The following IL1RAPL2 variants were observed in gnomAD, a reference collection of about 807,000 sequenced individuals.
The protein encoded by IL1RAPL2 is X-linked interleukin-1 receptor accessory protein-like 2.
In IL1RAPL2, 3 loss-of-function variants were observed where a neutral mutation model predicts 44.1. That is an observed-to-expected ratio of 0.07 (90% CI 0.03 to 0.18). The LOEUF (loss-of-function observed/expected upper bound fraction) is 0.18. IL1RAPL2 is among the 10% of genes least tolerant of loss of function. The pLI is 1.00. For missense variants in IL1RAPL2, 391 were observed against 496.4 expected (o/e 0.79, Z 2.02); for synonymous variants, 181 against 178.8 (o/e 1.01, Z -0.10).
chrX:105,584,861 A>T (rs952360649), intron 6 of IL1RAPL2, among the ~76,000 whole-genome samples: 2 of 110,396 alleles, frequency 1.8e-5, no homozygotes, highest in Non-Finnish European at 3.8e-5. Context: ...TTGTTCTCTC[A>T]TTCTTTCCTC....
At chrX:104,848,101 G>A (rs1339692306) in intron 2 of IL1RAPL2, among the ~76,000 whole-genome samples, 5 of 110,108 alleles carry the variant, frequency 4.5e-5, no homozygotes, top group Non-Finnish European at 5.7e-5. Flanking sequence ...GGGCTGAGGC[G>A]ATGGGGTTTT....
intron 5 of IL1RAPL2, among the ~76,000 whole-genome samples, chrX:105,355,679 A>G (rs2147707660): frequency 9.0e-6 from 1 of 111,488 alleles, no homozygotes; most frequent in South Asian, 3.8e-4. Flanking sequence ...TCAAAATATC[A>G]TACTACATTT....
At chrX:105,744,538 A>G (rs2038525093) in intron 8 of IL1RAPL2, among the ~76,000 whole-genome samples, 1 of 111,820 alleles carries the variant, frequency 8.9e-6, no homozygotes, top group African/African-American at 3.3e-5. Flanking sequence ...TTATGGAACA[A>G]TAACTTCTTG....
intron 2 of IL1RAPL2, among the ~76,000 whole-genome samples, chrX:105,073,475 T>G (rs1291782494): frequency 2.7e-5 from 3 of 110,684 alleles, no homozygotes; most frequent in African/African-American, 9.9e-5. Flanking sequence ...TCCAGGTCTG[T>G]GCTATTGTGA....
chrX:105,486,771 T>C (rs1456420598), intron 6 of IL1RAPL2, among the ~76,000 whole-genome samples: 1 of 110,829 alleles, frequency 9.0e-6, no homozygotes, highest in Non-Finnish European at 1.9e-5. Context: ...TCTATCTATA[T>C]GTAGAAAGCA....
chrX:104,844,450 T>C (rs1351302772), intron 2 of IL1RAPL2, among the ~76,000 whole-genome samples: 1 of 111,615 alleles, frequency 9.0e-6, no homozygotes, highest in Non-Finnish European at 1.9e-5. Flanking sequence ...TTTAATATAC[T>C]GATGTTTCAT....
chrX:105,436,988 A>G (rs1403895505), intron 5 of IL1RAPL2, among the ~76,000 whole-genome samples: 1 of 105,289 alleles, frequency 9.5e-6, no homozygotes, highest in Admixed American at 1.0e-4. Flanking sequence ...TTTTTACATC[A>G]AAATTCTGAA....
At chrX:105,248,417 A>C (rs1303421681) in intron 4 of IL1RAPL2, among the ~76,000 whole-genome samples, 2 of 111,916 alleles carry the variant, frequency 1.8e-5, no homozygotes, top group African/African-American at 6.5e-5. Context: ...AGCTTCCTAA[A>C]AATGTACAAA....
At chrX:104,885,954 G>A (rs186009227) in intron 2 of IL1RAPL2, among the ~76,000 whole-genome samples, 10 of 112,836 alleles carry the variant, frequency 8.9e-5, no homozygotes, top group Admixed American at 3.7e-4. Context: ...GAGGGTGCCC[G>A]GGCAAGCGCC....
chrX:104,838,127 T>TA (rs1158782375), intron 2 of IL1RAPL2, among the ~76,000 whole-genome samples: 1 of 112,028 alleles, frequency 8.9e-6, no homozygotes, highest in African/African-American at 3.2e-5. Context: ...TTGGTTACTG[T>TA]AGCCTTGTAG....
intron 5 of IL1RAPL2, among the ~76,000 whole-genome samples, chrX:105,353,438 T>C (rs2035174195): frequency 9.0e-6 from 1 of 111,686 alleles, no homozygotes; most frequent in African/African-American, 3.3e-5. Context: ...CCATATGAAC[T>C]TTAAAGTAGT....
intron 2 of IL1RAPL2, among the ~76,000 whole-genome samples, chrX:105,156,425 G>T (rs1400176669): frequency 8.9e-6 from 1 of 111,769 alleles, no homozygotes; most frequent in East Asian, 2.8e-4. Flanking sequence ...GTCTGATCAC[G>T]ATCACGTATT....
intron 3 of IL1RAPL2, among the ~76,000 whole-genome samples, chrX:105,228,427 G>A (rs1319523672): frequency 2.7e-5 from 3 of 111,345 alleles, no homozygotes; most frequent in Non-Finnish European, 3.8e-5. Flanking sequence ...TATAATATGG[G>A]CATGTTTTAT....
At chrX:104,843,207 G>A (rs1038085989) in intron 2 of IL1RAPL2, among the ~76,000 whole-genome samples, 28 of 111,733 alleles carry the variant, frequency 2.5e-4, no homozygotes, top group African/African-American at 7.5e-4. Context: ...AGCACTGTCC[G>A]GGGAAAACCA....
chrX:105,628,473 A>C (rs1326230626), intron 6 of IL1RAPL2, among the ~76,000 whole-genome samples: 1 of 112,556 alleles, frequency 8.9e-6, no homozygotes, highest in Non-Finnish European at 1.9e-5. Context: ...TGTCATACAG[A>C]TATAAAAATG....
At chrX:104,906,584 C>T (rs1174899893) in intron 2 of IL1RAPL2, among the ~76,000 whole-genome samples, 24 of 111,729 alleles carry the variant, frequency 2.1e-4, no homozygotes, top group African/African-American at 5.9e-4. Flanking sequence ...TTGTCTTTGG[C>T]TCTGTTTATA....
At chrX:105,051,348 G>A (rs1011202031) in intron 2 of IL1RAPL2, among the ~76,000 whole-genome samples, 52 of 112,720 alleles carry the variant, frequency 4.6e-4, no homozygotes, top group South Asian at 3.7e-4. Context: ...CCTGTGCCTC[G>A]GAGGGCAGCC....
chrX:105,066,804 A>T (rs1023896150), intron 2 of IL1RAPL2, among the ~76,000 whole-genome samples: 2 of 112,008 alleles, frequency 1.8e-5, no homozygotes, highest in Admixed American at 9.5e-5. Flanking sequence ...TTTGCTTTAA[A>T]GCTAAGACAG....
chrX:105,751,149 C>T (rs910986180), intron 9 of IL1RAPL2, among the ~76,000 whole-genome samples: 4 of 110,142 alleles, frequency 3.6e-5, no homozygotes, highest in South Asian at 4.0e-4. Context: ...TGGTGCATGC[C>T]TTTGGTACCA....
Sources: allele counts gnomAD v4.1 joint callset (sites outside exome capture counted in the v4.1 genomes callset), GRCh38; gene constraint gnomAD v4.1.1; transcripts MANE v1.5; gene names NCBI Gene and HGNC (gene_info 2026-07-23, HGNC 2026-07-21).